The following MAML2 variants were observed in gnomAD, a reference collection of about 807,000 sequenced individuals.
MAML2 encodes mastermind like transcriptional coactivator 2.
Under a neutral mutation model 96.1 loss-of-function variants are expected in MAML2, and 22 were observed. That is an observed-to-expected ratio of 0.23 (90% CI 0.16 to 0.33). The LOEUF (loss-of-function observed/expected upper bound fraction) is 0.33, where lower values mean the gene tolerates loss of function less well. MAML2 is among the 10% of genes least tolerant of loss of function. The pLI is 1.00. For missense variants in MAML2, 1,367 were observed against 1,392.4 expected, an observed-to-expected ratio of 0.98 and a Z score of 0.29; for synonymous variants, 561 against 521.3, an observed-to-expected ratio of 1.08 and a Z score of -1.04.
intron 2 of MAML2, among the ~76,000 whole-genome samples, chr11:96,053,302 A>G (rs1035543841): frequency 4.6e-5 from 7 of 152,226 alleles, no homozygotes; most frequent in Admixed American, 1.3e-4. Flanking sequence ...AGCCTACTCA[A>G]ATGAAAACTC....
intron 1 of MAML2, among the ~76,000 whole-genome samples, chr11:96,257,407 C>G (rs557910174): frequency 6.6e-6 from 1 of 152,336 alleles, no homozygotes; most frequent in South Asian, 2.1e-4. Context: ...AGTGCTGGCA[C>G]AGAATATGAA....
intron 3 of MAML2, 52 bp from the exon 4 acceptor site, chr11:95,985,694 G>C: frequency 8.3e-7 from 1 of 1,210,876 alleles, no homozygotes; most frequent in Non-Finnish European, 1.2e-6. Context: ...CTTTTCACTT[G>C]TGAAAATACA....
chr11:96,338,718 T>C (rs1301288546), intron 1 of MAML2, among the ~76,000 whole-genome samples: 8 of 152,232 alleles, frequency 5.3e-5, no homozygotes, highest in African/African-American at 1.4e-4. Context: ...TGGCCACTTA[T>C]GGCATACGAA....
intron 1 of MAML2, among the ~76,000 whole-genome samples, chr11:96,298,579 C>T (rs182181079): frequency 6.6e-6 from 1 of 151,830 alleles, no homozygotes; most frequent in African/African-American, 2.4e-5. Context: ...GAGAAGATAA[C>T]CAAGCAAACA....
chr11:96,157,213 T>C (rs1819288402), intron 1 of MAML2, among the ~76,000 whole-genome samples: 1 of 152,234 alleles, frequency 6.6e-6, no homozygotes, highest in South Asian at 2.1e-4. Context: ...GTCAGACCTA[T>C]GATGCACAAG....
intron 1 of MAML2, among the ~76,000 whole-genome samples, chr11:96,307,025 T>C (rs1180668602): frequency 6.6e-6 from 1 of 152,216 alleles, no homozygotes; most frequent in African/African-American, 2.4e-5. Context: ...TTTGAATTGC[T>C]ACACAGGATA....
At chr11:96,280,302 A>C (rs895089994) in intron 1 of MAML2, among the ~76,000 whole-genome samples, 1 of 151,526 alleles carries the variant, frequency 6.6e-6, no homozygotes, top group Non-Finnish European at 1.5e-5. Flanking sequence ...TTATTTACTC[A>C]TTTTTTTTTA....
intron 2 of MAML2, among the ~76,000 whole-genome samples, chr11:96,034,844 T>G (rs1858686913): frequency 1.3e-5 from 2 of 152,154 alleles, no homozygotes; most frequent in African/African-American, 4.8e-5. Flanking sequence ...GTTATTGGTT[T>G]GATCATATAG....
At position 96,342,909 on chromosome 11, in the gene MAML2, A is replaced by G; in HGVS notation, c.-1014T>C. On this transcript the variant is annotated 5_prime_UTR_variant, in exon 1 of 5. Coordinates refer to ENST00000524717, the MANE Select transcript of MAML2 (RefSeq NM_032427.4). Reference sequence around the variant, plus strand: ...TTTACAAACGATGGTCAAACTTACAAACTTCCAGCAAATTGCACCGAGTCA... The same window carrying G: ...TTTACAAACGATGGTCAAACTTACAGACTTCCAGCAAATTGCACCGAGTCA... The G allele has an allele frequency of 2.7e-6, 1 of 373,410 alleles. No homozygotes were observed. 23.1% of individuals were successfully genotyped at this position (373,410 alleles called of 1,614,324 possible).
At chr11:96,002,945 A>G (rs1344642346) in intron 2 of MAML2, among the ~76,000 whole-genome samples, 1 of 146,338 alleles carries the variant, frequency 6.8e-6, no homozygotes, top group Non-Finnish European at 1.5e-5. Context: ...GGGGATGATA[A>G]GAAGGATGAT....
At position 96,081,289 on chromosome 11, in the gene MAML2, T is replaced by C. The variant is rs374995924; in HGVS notation, c.2139+10603A>G. Among the ~76,000 whole-genome samples the C allele has an allele frequency of 5.3e-5, 8 of 152,320 alleles. No homozygotes were observed. In the East Asian group the frequency reaches 1.2e-3, roughly 22 times the overall value. On this transcript the variant is annotated intron_variant, in intron 2 of 4. Coordinates refer to ENST00000524717, the MANE Select transcript of MAML2 (RefSeq NM_032427.4). ...TAAAGTATAATACTGAATTAAAGCA[T>C]AATATTCATTATGAATATGAATATT...
At chr11:96,155,438 CTTG>C (rs1246552637) in intron 1 of MAML2, among the ~76,000 whole-genome samples, 1 of 144,406 alleles carries the variant, frequency 6.9e-6, no homozygotes, top group East Asian at 2.1e-4. Flanking sequence ...ATGATGAGAC[CTTG>C]TACATTTCTC....
Position 96,092,436 on chromosome 11 carries a change from T to G in MAML2, c.1595A>C (p.Gln532Pro). The change falls in exon 2 of 5, where the codon CAA becomes CCA. Residue 532 changes from glutamine to proline, a missense_variant. Transcript: ENST00000524717. This position sits in a 1 kb window ranked among gnomAD's most constrained non-coding sequence, Gnocchi z 4.1. ...ACTTCGACTGAGATCCTGAGGCTTTTGCTGCATGAGGACATCTAGGTGCCC... is the reference window on the plus strand; with the variant it reads ...ACTTCGACTGAGATCCTGAGGCTTTGGCTGCATGAGGACATCTAGGTGCCC... ...QGGHLDVLMQ[Q>P]KPQDLSRSFI... The G allele has an allele frequency of 2.5e-6, 4 of 1,613,868 alleles. No homozygotes were observed. Among genetic ancestry groups the G allele is most frequent in the Non-Finnish European group, 3.4e-6 (4 of 1,179,806 alleles).
rs536271852 is a variant in MAML2 at position 95,982,159 on chromosome 11, C to T, written c.2456-2196G>A. 1.4e-4 allele frequency among the ~76,000 whole-genome samples: 21 copies of T among 152,246 alleles called. 1 individual carries two copies. The South Asian group carries it at 1.7e-3, about 12-fold the overall frequency. ...TTTCATCATCAGAAGACATGGGAAA[C>T]GCAATGCTCTAGAATAATGATTCTG... On this transcript the variant is annotated intron_variant, in intron 4 of 4. Coordinates refer to ENST00000524717, the MANE Select transcript of MAML2 (RefSeq NM_032427.4).
At chr11:96,288,700 T>G (rs1174598254) in intron 1 of MAML2, among the ~76,000 whole-genome samples, 1 of 152,226 alleles carries the variant, frequency 6.6e-6, no homozygotes, top group African/African-American at 2.4e-5. Context: ...GAATTTAAAT[T>G]AAGGTATAAA....
intron 2 of MAML2, among the ~76,000 whole-genome samples, chr11:95,995,213 A>G (rs1857973088): frequency 6.6e-6 from 1 of 152,206 alleles, no homozygotes; most frequent in Non-Finnish European, 1.5e-5. Context: ...TGAGAAATGT[A>G]GAGGTCTCAG....
At chr11:96,201,481 A>G (rs1222360331) in intron 1 of MAML2, among the ~76,000 whole-genome samples, 1 of 152,258 alleles carries the variant, frequency 6.6e-6, no homozygotes, top group Non-Finnish European at 1.5e-5. Flanking sequence ...TGAGACCACT[A>G]GGACTATTCC....
At chr11:96,316,136 G>A (rs539246412) in intron 1 of MAML2, among the ~76,000 whole-genome samples, 16 of 152,268 alleles carry the variant, frequency 1.1e-4, no homozygotes, top group Middle Eastern at 6.8e-3. Context: ...TAGAGGGATG[G>A]ATTTGTTAGG....
intron 1 of MAML2, among the ~76,000 whole-genome samples, chr11:96,184,601 T>TC (rs1393524833): frequency 1.3e-5 from 2 of 149,474 alleles, no homozygotes; most frequent in Non-Finnish European, 3.0e-5. Context: ...CTTTTTTTTT[T>TC]TTTTTTTGAG....
Sources: allele counts gnomAD v4.1 joint callset (sites outside exome capture counted in the v4.1 genomes callset), GRCh38; gene constraint gnomAD v4.1.1; non-coding constraint Gnocchi (gnomAD v3.1); transcripts MANE v1.5; gene names NCBI Gene and HGNC (gene_info 2026-07-23, HGNC 2026-07-21).